WAC: variants seen among roughly 807,000 people sequenced by gnomAD.
WAC encodes the protein WW domain containing adaptor with coiled-coil.
WAC carries 11 observed loss-of-function variants against 79.6 expected under a neutral mutation model. The observed-to-expected ratio is 0.14, with a 90% CI of 0.09 to 0.23. The LOEUF is 0.23. Among genes scored for constraint, WAC ranks in the 10% least tolerant of loss-of-function variants. The pLI is 1.00. For missense variants in WAC, 728 were observed against 773.5 expected (o/e 0.94, Z 0.70); for synonymous variants, 304 against 276.9 (o/e 1.10, Z -0.97).
At chr10:28,532,858 G>C (rs927794951), upstream of WAC, 1 of 153,112 alleles carries the variant, frequency 6.5e-6, no homozygotes, top group Non-Finnish European at 1.5e-5. Flanking sequence ...GAGCCCCTGA[G>C]ATCAGCCTCG....
At position 28,600,784 on chromosome 10, in the gene WAC, TCAGA is replaced by T. The variant is rs761482480; in HGVS notation, c.919+4747_919+4750del. On this transcript the variant is annotated intron_variant, in intron 7 of 13. Coordinates refer to ENST00000354911, the MANE Select transcript of WAC (RefSeq NM_016628.5). ...ATAAACAAAGGTTGAAAGATAAGTA[TCAGA>T]CAGGAGAAAATACTTGCGACATGTA... Among the ~76,000 whole-genome samples, 194 of 151,902 alleles carry T rather than the reference TCAGA, an allele frequency of 1.3e-3. 1 individual carries two copies. Among genetic ancestry groups the T allele is most frequent in the Admixed American group, 2.1e-3 (32 of 15,250 alleles).
At chr10:28,580,878 T>C (rs1396709147) in intron 3 of WAC, among the ~76,000 whole-genome samples, 6 of 152,302 alleles carry the variant, frequency 3.9e-5, no homozygotes, top group African/African-American at 1.4e-4. Context: ...TCTCTAAGAC[T>C]CTCAGGACTC....
intron 7 of WAC, among the ~76,000 whole-genome samples, chr10:28,597,702 C>G (rs1840454191): frequency 6.6e-6 from 1 of 152,092 alleles, no homozygotes; most frequent in Admixed American, 6.6e-5. Flanking sequence ...GTTACGTATC[C>G]TCATATACAG....
intron 13 of WAC, among the ~76,000 whole-genome samples, chr10:28,618,773 A>C (rs1454748699): frequency 2.0e-5 from 3 of 152,176 alleles, no homozygotes; most frequent in Non-Finnish European, 4.4e-5. Flanking sequence ...TTTTGGCTTC[A>C]TTTTTATGTA....
At chr10:28,609,382 T>C (rs1287678335) in intron 8 of WAC, among the ~76,000 whole-genome samples, 1 of 152,088 alleles carries the variant, frequency 6.6e-6, no homozygotes, top group Non-Finnish European at 1.5e-5. Context: ...AAAAATAAAG[T>C]GATCAATTTT....
intron 3 of WAC, among the ~76,000 whole-genome samples, chr10:28,547,592 C>T (rs1007734659): frequency 6.6e-6 from 1 of 151,188 alleles, no homozygotes; most frequent in Non-Finnish European, 1.5e-5. Context: ...AGACTTTGCA[C>T]ATTGGGAAAT....
intron 7 of WAC, among the ~76,000 whole-genome samples, chr10:28,607,694 C>T (rs1174849431): frequency 6.6e-6 from 1 of 152,148 alleles, no homozygotes; most frequent in South Asian, 2.1e-4. Flanking sequence ...GGTGTAACCA[C>T]CTTGGTGTAC....
At chr10:28,583,017 T>C (rs773305315) in intron 3 of WAC, among the ~76,000 whole-genome samples, 4 of 152,180 alleles carry the variant, frequency 2.6e-5, no homozygotes, top group Non-Finnish European at 5.9e-5. Context: ...AACAGTGACT[T>C]TTAGTTCTGT....
At chr10:28,583,303 G>T in intron 3 of WAC, 96 bp from the exon 4 acceptor site, 2 of 855,136 alleles carry the variant, frequency 2.3e-6, no homozygotes, top group African/African-American at 1.8e-5. Flanking sequence ...TGTTCGTTTA[G>T]AGATATAAAA....
Position 28,533,449 on chromosome 10 carries a change from A to T in WAC, c.-131A>T. 1 of 304,738 alleles carries T rather than the reference A, an allele frequency of 3.3e-6. No homozygotes were observed. Among genetic ancestry groups the T allele is most frequent in the Non-Finnish European group, 4.8e-6 (1 of 206,248 alleles). 18.9% of individuals were successfully genotyped at this position (304,738 alleles called of 1,614,324 possible). ...GCGCCAGTAACTGGGAGCTGATGAG[A>T]GTCGCCGAGGGCGCGCCGGGCCCAG... On this transcript the variant is annotated 5_prime_UTR_variant, in exon 1 of 14. Coordinates refer to ENST00000354911, the MANE Select transcript of WAC (RefSeq NM_016628.5).
At chr10:28,562,861 T>A (rs778488625) in intron 3 of WAC, among the ~76,000 whole-genome samples, 1 of 152,218 alleles carries the variant, frequency 6.6e-6, no homozygotes, top group Admixed American at 6.5e-5. Flanking sequence ...TTTTTTTCTT[T>A]AATGCTGTTT....
rs1430115759 is a variant in WAC, at chr10:28,609,074, T to TTTAGG, written c.1165+643_1165+644insTTAGG. On this transcript the variant is annotated intron_variant, in intron 8 of 13. Coordinates refer to ENST00000354911, the MANE Select transcript of WAC (RefSeq NM_016628.5). The stretch of plus-strand genomic sequence containing the variant: ...TTGGAAACTATTCAGATTCACACGT[T>TTTAGG]AATTCCTAAAAGCACTGCAAAATTT... 2.1e-4 allele frequency among the ~76,000 whole-genome samples: 32 copies of TTTAGG among 152,358 alleles called. 1 individual carries two copies. The highest frequency in any genetic ancestry group is 1.6e-3 in the Admixed American group (25 of 15,308).
chr10:28,604,222 C>T (rs1840815126), intron 7 of WAC, among the ~76,000 whole-genome samples: 1 of 150,670 alleles, frequency 6.6e-6, no homozygotes, highest in Admixed American at 6.6e-5. Flanking sequence ...GGCCTACCTT[C>T]CCAGCATTAT....
chr10:28,535,391 A>C, intron 2 of WAC, 171 bp from the exon 3 acceptor site: 1 of 688,364 alleles, frequency 1.5e-6, no homozygotes, highest in South Asian at 2.6e-5. Flanking sequence ...ACGCTTAAGC[A>C]TTAGGTTTTT....
intron 3 of WAC, among the ~76,000 whole-genome samples, chr10:28,549,387 A>G (rs958069885): frequency 1.3e-5 from 2 of 152,126 alleles, no homozygotes; most frequent in South Asian, 2.1e-4. Flanking sequence ...TTTCAGGCCT[A>G]CATATCTCTT....
intron 7 of WAC, among the ~76,000 whole-genome samples, chr10:28,597,608 A>G (rs332159): frequency 0.19 from 28,381 of 151,686 alleles, 3,114 homozygotes; most frequent in Non-Finnish European, 0.25. Flanking sequence ...CTTGGTAGTC[A>G]TTTTGTTACT....
chr10:28,610,912 ATTTT>A (rs11371837), intron 9 of WAC, 91 bp downstream of exon 9: 2 of 1,119,370 alleles, frequency 1.8e-6, no homozygotes, highest in South Asian at 4.8e-5. Flanking sequence ...TTTTTCTTTC[ATTTT>A]TTTTTTTAGT....
Position 28,619,647 on chromosome 10 carries a change from TAA to T in WAC, c.*43_*44del. Reference sequence around the variant, plus strand: ...CACATGGTTTTGAGAACAGGAACTGTAAATCTGTTGCCCAATCTTAACATTTT... The same window carrying T: ...CACATGGTTTTGAGAACAGGAACTGTATCTGTTGCCCAATCTTAACATTTT... On this transcript the variant is annotated 3_prime_UTR_variant, in exon 14 of 14. Coordinates refer to ENST00000354911, the MANE Select transcript of WAC (RefSeq NM_016628.5). 1 of 1,505,406 alleles carries T rather than the reference TAA, an allele frequency of 6.6e-7. No individual in the cohort carries two copies. Among genetic ancestry groups the T allele is most frequent in the South Asian group, 1.3e-5 (1 of 78,448 alleles). 93.3% of individuals were successfully genotyped at this position (1,505,406 alleles called of 1,614,324 possible).
rs1837516758 is a variant in WAC, at chr10:28,548,986, A to C, written c.274+13229A>C. ...CATGGCTCACTGCAGCCTCAAAAAA[A>C]CTCCTGGGCTCAAGTGATCCTCTTG... On this transcript the variant is annotated intron_variant, in intron 3 of 13. Transcript: ENST00000354911. Among the ~76,000 whole-genome samples, 4 of 151,884 alleles carry C rather than the reference A, an allele frequency of 2.6e-5. No individual in the cohort carries two copies. The South Asian group carries it at 6.3e-4, about 24-fold the overall frequency.
Sources: allele counts gnomAD v4.1 joint callset (sites outside exome capture counted in the v4.1 genomes callset), GRCh38; gene constraint gnomAD v4.1.1; transcripts MANE v1.5; gene names NCBI Gene and HGNC (gene_info 2026-07-23, HGNC 2026-07-21).